Variants in TENM2 observed in about 807,000 individuals in gnomAD.
TENM2 encodes the protein teneurin transmembrane protein 2.
TENM2 carries 52 observed loss-of-function variants against 245.2 expected under a neutral mutation model. That is an observed-to-expected ratio of 0.21 (90% CI 0.17 to 0.27). TENM2 has a LOEUF of 0.27. TENM2 is among the 10% of genes least tolerant of loss of function. TENM2 has a pLI of 1.00. For synonymous variants in TENM2, 1,363 were observed against 1,438.9 expected, an observed-to-expected ratio of 0.95 and a Z score of 1.19; for missense variants, 3,046 against 3,666.8, an observed-to-expected ratio of 0.83 and a Z score of 4.37.
intron 3 of TENM2, among the ~76,000 whole-genome samples, chr5:167,946,404 C>T (rs1012947066): frequency 1.3e-5 from 2 of 152,052 alleles, no homozygotes; most frequent in East Asian, 1.9e-4. Context: ...TTGGGGAGGG[C>T]CTTTGGGAAG....
Position 167,823,066 on chromosome 5 carries a change from T to C in TENM2, c.503-52920T>C, listed in dbSNP as rs182558424. 7.9e-5 allele frequency among the ~76,000 whole-genome samples: 12 copies of C among 152,308 alleles called. No individual in the cohort carries two copies. In the East Asian group the frequency reaches 2.1e-3, roughly 27 times the overall value. ...GTTACCAGTGTGAGAGAGGCAACCC[T>C]TTGTACTGCATCGCTTGCCAGATTT... On this transcript the variant is annotated intron_variant, in intron 2 of 28. Transcript: ENST00000518659.
At chr5:167,547,939 A>G (rs566888101) in intron 2 of TENM2, among the ~76,000 whole-genome samples, 5 of 152,344 alleles carry the variant, frequency 3.3e-5, no homozygotes, top group African/African-American at 4.8e-5. Flanking sequence ...AAACATAAAT[A>G]TAATCCATCA....
chr5:167,859,365 T>C (rs1381865405), intron 2 of TENM2, among the ~76,000 whole-genome samples: 8 of 141,768 alleles, frequency 5.6e-5, no homozygotes, highest in Admixed American at 7.0e-5. Flanking sequence ...AGCCACCCCG[T>C]CCGGGAGGGA....
the TENM2 span, among the ~76,000 whole-genome samples, chr5:167,197,424 G>T: frequency 6.6e-6 from 1 of 152,080 alleles, no homozygotes; most frequent in Non-Finnish European, 1.5e-5. Flanking sequence ...TTTGTTAAAG[G>T]AATGGAGGAG....
chr5:167,012,705 A>G, the TENM2 span, among the ~76,000 whole-genome samples: 2 of 152,184 alleles, frequency 1.3e-5, no homozygotes, highest in Admixed American at 6.5e-5. Flanking sequence ...TTGAAATCTC[A>G]TGCTCCTCTT....
chr5:167,797,339 C>T (rs1031505674), intron 2 of TENM2, among the ~76,000 whole-genome samples: 1 of 152,156 alleles, frequency 6.6e-6, no homozygotes, highest in Non-Finnish European at 1.5e-5. Context: ...AACTAGGACC[C>T]ATTCTAAATG....
At chr5:167,007,518 C>T in the TENM2 span, among the ~76,000 whole-genome samples, 1 of 152,174 alleles carries the variant, frequency 6.6e-6, no homozygotes, top group Non-Finnish European at 1.5e-5. This position sits in a 1 kb window ranked among gnomAD's most constrained non-coding sequence, Gnocchi z 4.2. Context: ...TTCACCATGC[C>T]TCAATCTTTC....
At chr5:167,697,973 C>A (rs1186490287) in intron 2 of TENM2, among the ~76,000 whole-genome samples, 1 of 152,194 alleles carries the variant, frequency 6.6e-6, no homozygotes, top group Non-Finnish European at 1.5e-5. Flanking sequence ...CAAGGTATCC[C>A]TCTAAGTGAT....
At chr5:167,049,828 AT>A in the TENM2 span, among the ~76,000 whole-genome samples, 3 of 151,874 alleles carry the variant, frequency 2.0e-5, no homozygotes, top group African/African-American at 7.3e-5. Flanking sequence ...ATATAGATAT[AT>A]TTTTTTTCAG....
At chr5:167,629,866 C>T (rs1778749391) in intron 2 of TENM2, among the ~76,000 whole-genome samples, 1 of 150,502 alleles carries the variant, frequency 6.6e-6, no homozygotes, top group Non-Finnish European at 1.5e-5. Context: ...GATTCATTAT[C>T]TAGTAGAAAG....
At chr5:167,841,075 A>G (rs1227556043) in intron 2 of TENM2, among the ~76,000 whole-genome samples, 1 of 133,046 alleles carries the variant, frequency 7.5e-6, no homozygotes, top group African/African-American at 2.7e-5. Flanking sequence ...TTTTTTTTTG[A>G]GATGGGAGTC....
intron 2 of TENM2, among the ~76,000 whole-genome samples, chr5:167,665,559 G>T (rs1755518742): frequency 6.6e-6 from 1 of 152,146 alleles, no homozygotes; most frequent in African/African-American, 2.4e-5. Context: ...TGGATGTGCT[G>T]TTGTGGGAGT....
the TENM2 span, among the ~76,000 whole-genome samples, chr5:167,267,299 ATTTCCAGGG>A: frequency 6.6e-6 from 1 of 151,908 alleles, no homozygotes; most frequent in Admixed American, 6.6e-5. Context: ...TTTCTTTTCC[ATTTCCAGGG>A]TTTAAAGAGT....
chr5:167,479,964 G>A (rs1650957497), intron 2 of TENM2, among the ~76,000 whole-genome samples: 2 of 152,200 alleles, frequency 1.3e-5, no homozygotes, highest in African/African-American at 4.8e-5. Context: ...GGGATTCTGA[G>A]TCAACCCGTC....
chr5:167,433,332 T>C (rs1764360234), intron 2 of TENM2, among the ~76,000 whole-genome samples: 1 of 152,176 alleles, frequency 6.6e-6, no homozygotes, highest in Non-Finnish European at 1.5e-5. Context: ...GTACACACTG[T>C]ATTATGTTAG....
At chr5:167,454,645 A>T (rs1379698171) in intron 2 of TENM2, among the ~76,000 whole-genome samples, 2 of 151,872 alleles carry the variant, frequency 1.3e-5, no homozygotes, top group East Asian at 1.9e-4. Context: ...GCCCTGCCCC[A>T]TCTCTTTCCC....
At chr5:167,279,955 G>C (rs142444171), upstream of TENM2, among the ~76,000 whole-genome samples, 114 of 152,284 alleles carry the variant, frequency 7.5e-4, no homozygotes, top group African/African-American at 2.6e-3. Flanking sequence ...GGTATGACAA[G>C]TGATTTTTTA....
chr5:167,034,195 G>A, the TENM2 span, among the ~76,000 whole-genome samples: 2 of 152,046 alleles, frequency 1.3e-5, no homozygotes, highest in Non-Finnish European at 2.9e-5. Context: ...TAGCATGTAC[G>A]GGCTTGAGGC....
intron 27 of TENM2, among the ~76,000 whole-genome samples, chr5:168,255,596 C>A (rs991212238): frequency 2.0e-5 from 3 of 152,046 alleles, no homozygotes; most frequent in Admixed American, 2.0e-4. Flanking sequence ...TGAGCCACCA[C>A]GCCTGGCCTC....
Sources: gnomAD v4.1 joint callset for allele counts (sites outside exome capture counted in the v4.1 genomes callset) on GRCh38, gnomAD v4.1.1 for gene constraint, Gnocchi (gnomAD v3.1) non-coding constraint, MANE v1.5 for transcripts, NCBI Gene and HGNC (gene_info 2026-07-23, HGNC 2026-07-21) for gene names.